The following HELZ2 variants were observed in gnomAD, a reference collection of about 807,000 sequenced individuals.
HELZ2 encodes the protein 3'-5' exoribonuclease HELZ2.
Under a neutral mutation model 208.8 loss-of-function variants are expected in HELZ2, and 143 were observed. The ratio of observed to expected loss-of-function variants is 0.68; its 90% CI spans 0.60 to 0.79. HELZ2 has a LOEUF of 0.79. HELZ2 is among the 30% of genes least tolerant of loss of function. HELZ2 has a pLI of 0.00. For missense variants in HELZ2, 3,690 were observed against 3,794.5 expected, an observed-to-expected ratio of 0.97 and a Z score of 0.72; for synonymous variants, 1,705 against 1,693.7, an observed-to-expected ratio of 1.01 and a Z score of -0.16.
In HELZ2 at chr20:63,569,592, G is replaced by T. The variant is rs764298257; in HGVS notation, c.644C>A (p.Pro215Gln). 2.3e-5 allele frequency: 36 copies of T among 1,567,552 alleles called. No individual in the cohort carries two copies. The highest frequency in any genetic ancestry group is 3.1e-5 in the Non-Finnish European group (36 of 1,157,114). The stretch of plus-strand genomic sequence containing the variant: ...ACCCCGTGCGTAGAGCCGGCCTGGC[G>T]GGAGGCCGGGAGCCACCAGAGAGAA... Residue 215 changes from proline to glutamine, a missense_variant, in exon 4 of 19, where the codon CCG (proline) becomes CAG (glutamine). Physicochemically the swap from Pro to Gln is moderately conservative, Grantham distance 76. Transcript: ENST00000467148.
chr20:63,572,054 C>T, intron 1 of HELZ2, 54 bp downstream of exon 2: 1 of 1,528,196 alleles, frequency 6.5e-7, no homozygotes, highest in Non-Finnish European at 8.8e-7. Context: ...ACCTCTGGTT[C>T]TGCCTATGGT....
intron 6 of HELZ2, 108 bp downstream of exon 7, chr20:63,566,736 C>A: frequency 8.7e-7 from 1 of 1,147,386 alleles, no homozygotes; most frequent in East Asian, 2.5e-5. Context: ...ACTGCAGCCC[C>A]CTCTTACAGA....
exon 5 of HELZ2, chr20:63,568,630 G>A: frequency 6.2e-7 from 1 of 1,602,786 alleles, no homozygotes; most frequent in East Asian, 2.2e-5. Flanking sequence ...CAGGCAGTGT[G>A]TCCACTGCCT....
Position 63,563,544 on chromosome 20 carries a change from TGG to T in HELZ2, c.5276_5277del (p.Pro1759GlnfsTer8). 6.6e-7 allele frequency: 1 copy of T among 1,515,914 alleles called. No individual in the cohort carries two copies. Among genetic ancestry groups the T allele is most frequent in the Admixed American group, 2.0e-5 (1 of 50,054 alleles). 93.9% of individuals were successfully genotyped at this position (1,515,914 alleles called of 1,614,324 possible). ...GGGTCAGGCAGCGTCTCCCGGTTGCTGGGGAAGAGCAGCCGGAAGCAGCGGGA... is the reference window on the plus strand; with the variant it reads ...GGGTCAGGCAGCGTCTCCCGGTTGCTGGAAGAGCAGCCGGAAGCAGCGGGA... On this transcript the variant is annotated frameshift_variant, in exon 8 of 19. Coordinates refer to ENST00000467148, the Ensembl canonical transcript of HELZ2. LOFTEE classifies it high-confidence loss of function.
chr20:63,565,674 C>G (rs2082945855), exon 8 of HELZ2: 2 of 1,609,500 alleles, frequency 1.2e-6, no homozygotes, highest in Non-Finnish European at 1.7e-6. Context: ...TCCGTGGACT[C>G]CACGCCCGCT....
chr20:63,566,269 A>C, intron 7 of HELZ2, 38 bp from the exon 9 acceptor site: 2 of 1,490,728 alleles, frequency 1.3e-6, no homozygotes, highest in Non-Finnish European at 1.8e-6. Flanking sequence ...CTGGGTGCGC[A>C]AGACGGTGGG....
chr20:63,570,184 T>C (rs1180984907), intron 3 of HELZ2: 1 of 476,358 alleles, frequency 2.1e-6, no homozygotes, highest in African/African-American at 2.2e-5. Flanking sequence ...GATCTCGAAC[T>C]CCCGACCTCA....
chr20:63,573,834 A>G (rs2083034635), upstream of HELZ2, among the ~76,000 whole-genome samples: 1 of 152,090 alleles, frequency 6.6e-6, no homozygotes, highest in Non-Finnish European at 1.5e-5. This position sits in a 1 kb window ranked among gnomAD's most constrained non-coding sequence, Gnocchi z 4.9. Context: ...AACAGACTGG[A>G]GGCAGACTTC....
chr20:63,558,371 G>A (rs1049139537), downstream of HELZ2: 2 of 149,396 alleles, frequency 1.3e-5, no homozygotes, highest in Non-Finnish European at 3.0e-5. Flanking sequence ...ATTTCAGAGG[G>A]TGGGGTGGGG....
chr20:63,562,843 G>A, exon 8 of HELZ2: 1 of 1,609,700 alleles, frequency 6.2e-7, no homozygotes, highest in Non-Finnish European at 8.5e-7. Context: ...TCTCCTCGAG[G>A]AAGGCGGCCT....
chr20:63,559,774 G>GGGA (rs1270443177), intron 18 of HELZ2, among the ~76,000 whole-genome samples, 154 bp downstream of exon 19: 1,326 of 120,448 alleles, frequency 0.011, 133 homozygotes, highest in East Asian at 0.047. Context: ...AGGGTCAGAT[G>GGGA]GGAGTCAGTC....
At chr20:63,560,561 T>G (rs2082874936) in exon 16 of HELZ2, 2 of 1,612,814 alleles carry the variant, frequency 1.2e-6, no homozygotes, top group Non-Finnish European at 1.7e-6. Flanking sequence ...CTCGTGGCCC[T>G]GCACGTGGCC....
At chr20:63,560,143 G>A (rs776412049) in intron 17 of HELZ2, 28 bp downstream of exon 18, 98 of 882,578 alleles carry the variant, frequency 1.1e-4, no homozygotes, top group Middle Eastern at 2.7e-4. Context: ...CCACCCTCCC[G>A]GCCCCACCCA....
exon 8 of HELZ2, chr20:63,565,627 G>A (rs1281862094): frequency 8.7e-6 from 14 of 1,610,526 alleles, no homozygotes; most frequent in Admixed American, 8.3e-5. Context: ...TGAGCTCCCC[G>A]TCCCACGGCC....
Position 63,561,472 on chromosome 20 carries a change from G to A in HELZ2, c.6837-6C>T, listed in dbSNP as rs755065247. Reference sequence around the variant, plus strand: ...GGTGGTGCAGGGTGATGCTCCTGGGGGACAGGACACAGTGAGCCCTGTCCA... The same window carrying A: ...GGTGGTGCAGGGTGATGCTCCTGGGAGACAGGACACAGTGAGCCCTGTCCA... On this transcript the variant is annotated splice_polypyrimidine_tract_variant and splice_region_variant and intron_variant, in intron 12 of 18. Coordinates refer to ENST00000467148, the Ensembl canonical transcript of HELZ2. The A allele has an allele frequency of 6.2e-6, 10 of 1,603,138 alleles. No homozygotes were observed. The highest frequency in any genetic ancestry group is 6.0e-6 in the Non-Finnish European group (7 of 1,175,370).
At chr20:63,565,016 A>G in exon 8 of HELZ2, 1 of 1,589,022 alleles carries the variant, frequency 6.3e-7, no homozygotes. Flanking sequence ...CCACAGGACA[A>G]TTTGGACCCA....
chr20:63,564,541 G>A, exon 8 of HELZ2: 11 of 1,574,996 alleles, frequency 7.0e-6, no homozygotes, highest in Non-Finnish European at 9.5e-6. Context: ...GGAACAGGGA[G>A]ATGGCCAGGC....
At chr20:63,560,398 G>A in intron 16 of HELZ2, 71 bp from the exon 18 acceptor site, 3 of 1,585,388 alleles carry the variant, frequency 1.9e-6, no homozygotes, top group South Asian at 2.3e-5. Context: ...AGCCCTCCCT[G>A]ACTCACAAGC....
chr20:63,570,665 C>CCCAA lies in HELZ2; in HGVS notation c.462+19_462+20insTTGG. On this transcript the variant is annotated intron_variant, in intron 2 of 18. Transcript: ENST00000467148. ...GGCCTGGACCCCACCCCACCCCACC[C>CCCAA]ACTCCCAGGGCCCACTTACCACAAG... 6.5e-7 allele frequency: 1 copy of CCCAA among 1,548,090 alleles called. No individual in the cohort carries two copies. Among genetic ancestry groups the CCCAA allele is most frequent in the Non-Finnish European group, 8.9e-7 (1 of 1,128,590 alleles).
Sources: gnomAD v4.1 joint callset for allele counts (sites outside exome capture counted in the v4.1 genomes callset) on GRCh38, gnomAD v4.1.1 for gene constraint, Gnocchi (gnomAD v3.1) non-coding constraint, MANE v1.5 for transcripts, NCBI Gene and HGNC (gene_info 2026-07-23, HGNC 2026-07-21) for gene names.